The following FYTTD1 variants were observed in gnomAD, a reference collection of about 807,000 sequenced individuals.
FYTTD1 encodes the protein UAP56-interacting factor.
A neutral mutation model predicts 40.9 loss-of-function variants in FYTTD1; 22 were observed. The observed-to-expected ratio is 0.54, with a 90% CI of 0.38 to 0.77. The LOEUF is 0.77. Among genes scored for constraint, FYTTD1 ranks in the 30% least tolerant of loss-of-function variants. FYTTD1 has a pLI of 0.00. For synonymous variants in FYTTD1, 140 were observed against 137.9 expected (o/e 1.01, Z -0.10); for missense variants, 351 against 392.2 (o/e 0.90, Z 0.89).
intron 2 of FYTTD1, among the ~76,000 whole-genome samples, chr3:197,760,320 T>G (rs1729342373): frequency 6.6e-6 from 1 of 151,952 alleles, no homozygotes; most frequent in African/African-American, 2.4e-5. Context: ...TGTTCTTCAG[T>G]GGTAGAATGT....
intron 2 of FYTTD1, among the ~76,000 whole-genome samples, chr3:197,760,643 C>T (rs572183111): frequency 2.2e-4 from 30 of 135,112 alleles, no homozygotes; most frequent in African/African-American, 8.1e-4. Context: ...AGAATGTATA[C>T]AGTTGTTCTT....
intron 4 of FYTTD1, among the ~76,000 whole-genome samples, chr3:197,770,965 T>G (rs932510907): frequency 6.6e-6 from 1 of 152,228 alleles, no homozygotes; most frequent in Non-Finnish European, 1.5e-5. Flanking sequence ...ATGTATGTTA[T>G]TTGTGGAAAA....
Position 197,752,553 on chromosome 3 carries a change from CTGTA to C in FYTTD1, c.103+2483_103+2486del, listed in dbSNP as rs1186167213. ...ATATGCCTTTATTTTTATACATACA[CTGTA>C]TGTGTGTATGTATATATGGCTTTAT... On this transcript the variant is annotated intron_variant, in intron 1 of 8. Transcript: ENST00000241502. Among the ~76,000 whole-genome samples, 8 of 151,738 alleles carry C rather than the reference CTGTA, an allele frequency of 5.3e-5. No individual in the cohort carries two copies. The South Asian group carries it at 1.5e-3, about 28-fold the overall frequency.
Position 197,778,390 on chromosome 3 carries a change from C to G in FYTTD1, c.784C>G (p.Arg262Gly), listed in dbSNP as rs772225424. The G allele has an allele frequency of 6.2e-7, 1 of 1,611,496 alleles. No individual in the cohort carries two copies. Among genetic ancestry groups the G allele is most frequent in the South Asian group, 1.1e-5 (1 of 90,768 alleles). The change falls in exon 8 of 9, where the codon CGG becomes GGG. Residue 262 changes from arginine to glycine, a missense_variant. Transcript: ENST00000241502. ...RTAVPSFLTK[R>G]EQSDVKKVPK... ...TGCTGTACCTTCATTTTTAACAAAG[C>G]GGGAGCAAAGTGACGTCAAGAAAGT...
intron 2 of FYTTD1, among the ~76,000 whole-genome samples, chr3:197,758,844 G>A (rs936900851): frequency 1.3e-5 from 2 of 152,228 alleles, no homozygotes. Context: ...CTTGAGGTAA[G>A]AGAAATAAGT....
In FYTTD1 at chr3:197,784,490, A is replaced by G. The variant is rs181467782; in HGVS notation, c.*2581A>G. 12 of 152,298 alleles carry G rather than the reference A, an allele frequency of 7.9e-5. No homozygotes were observed. The East Asian group carries it at 2.1e-3, about 27-fold the overall frequency. 9.4% of individuals were successfully genotyped at this position (152,298 alleles called of 1,614,324 possible). A position where few individuals can be genotyped will look rare whatever the true frequency, so the allele number is the denominator to read the frequency against. On this transcript the variant is annotated 3_prime_UTR_variant, in exon 9 of 9. Transcript: ENST00000241502. ...GATGATTTCATTTGTAGCTCCAACAAATGAATCTAAAAAGAAGAATCCAGG... is the reference window on the plus strand; with the variant it reads ...GATGATTTCATTTGTAGCTCCAACAGATGAATCTAAAAAGAAGAATCCAGG...
intron 2 of FYTTD1, among the ~76,000 whole-genome samples, chr3:197,768,109 C>T (rs1729605675): frequency 6.6e-6 from 1 of 152,166 alleles, no homozygotes; most frequent in African/African-American, 2.4e-5. Flanking sequence ...TTCAAGTACT[C>T]AGTAGCCACA....
intron 2 of FYTTD1, among the ~76,000 whole-genome samples, chr3:197,761,422 GT>G (rs1201123591): frequency 2.0e-5 from 3 of 151,050 alleles, no homozygotes; most frequent in Non-Finnish European, 4.4e-5. Flanking sequence ...AATGTATAGA[GT>G]TGTTCCTCAG....
rs1730096899 is a variant in FYTTD1, at chr3:197,783,973, CTAAAT to C, written c.*2069_*2073del. On this transcript the variant is annotated 3_prime_UTR_variant, in exon 9 of 9. Coordinates refer to ENST00000241502, the MANE Select transcript of FYTTD1 (RefSeq NM_032288.7). Reference sequence around the variant, plus strand: ...GTATAATGTTTTGCCTTTGGTACAACTAAATTAAAACTCTTGGTGGTCACATATTG... The same window carrying C: ...GTATAATGTTTTGCCTTTGGTACAACTAAAACTCTTGGTGGTCACATATTG... 6.6e-6 allele frequency: 1 copy of C among 151,922 alleles called. No homozygotes were observed. The highest frequency in any genetic ancestry group is 2.1e-4 in the South Asian group (1 of 4,772). 9.4% of individuals were successfully genotyped at this position (151,922 alleles called of 1,614,324 possible). A position where few individuals can be genotyped will look rare whatever the true frequency, so the allele number is the denominator to read the frequency against.
At chr3:197,749,734 G>A (rs968673548), upstream of FYTTD1, 5 of 613,918 alleles carry the variant, frequency 8.1e-6, no homozygotes, top group Non-Finnish European at 1.5e-5. Context: ...TAGCACAGCG[G>A]CTGCAATGCC....
rs185222241 is a variant in FYTTD1, at chr3:197,776,440, G to A, written c.657-487G>A. ...GGGTTTCACTATCTTAGCCAGGCTGGTCTTGAACTCCTGACCTCATGATCC... is the reference window on the plus strand; with the variant it reads ...GGGTTTCACTATCTTAGCCAGGCTGATCTTGAACTCCTGACCTCATGATCC... On this transcript the variant is annotated intron_variant, in intron 6 of 8. Coordinates refer to ENST00000241502, the MANE Select transcript of FYTTD1 (RefSeq NM_032288.7). Among the ~76,000 whole-genome samples, 5 of 146,766 alleles carry A rather than the reference G, an allele frequency of 3.4e-5. No homozygotes were observed. The Admixed American group carries it at 3.4e-4, about 10-fold the overall frequency.
chr3:197,766,496 A>T (rs1411350737), intron 2 of FYTTD1, among the ~76,000 whole-genome samples: 17 of 136,058 alleles, frequency 1.2e-4, no homozygotes, highest in African/African-American at 4.5e-4. Flanking sequence ...CCCAGCCTGG[A>T]GTACAGTGTG....
At position 197,785,398 on chromosome 3, in the gene FYTTD1, C is replaced by T. The variant is rs910910974; in HGVS notation, c.*3489C>T. The T allele has an allele frequency of 2.0e-4, 30 of 152,152 alleles. No homozygotes were observed. Among genetic ancestry groups the T allele is most frequent in the African/African-American group, 7.2e-4 (30 of 41,426 alleles). The allele number at this position is 152,152 out of a possible 1,614,324, so 9.4% of individuals were successfully genotyped here. On this transcript the variant is annotated 3_prime_UTR_variant, in exon 9 of 9. Transcript: ENST00000241502. ...TCAAAACAATTTGCTTATAAGTAGACCCAGGTAATTCAAAGCCATGTTGTT... is the reference window on the plus strand; with the variant it reads ...TCAAAACAATTTGCTTATAAGTAGATCCAGGTAATTCAAAGCCATGTTGTT...
intron 1 of FYTTD1, among the ~76,000 whole-genome samples, chr3:197,755,497 G>A (rs1031818241): frequency 6.7e-6 from 1 of 150,322 alleles, no homozygotes; most frequent in Non-Finnish European, 1.5e-5. Context: ...CCAGGCTGGA[G>A]TGCAGTGGTG....
chr3:197,779,489 A>C (rs564428239), intron 8 of FYTTD1, among the ~76,000 whole-genome samples: 1 of 147,776 alleles, frequency 6.8e-6, no homozygotes, highest in Non-Finnish European at 1.5e-5. Context: ...ATTTTGCTAA[A>C]TTCACTTACT....
At position 197,785,999 on chromosome 3, in the gene FYTTD1, A is replaced by G. The variant is rs372158604; in HGVS notation, c.*4090A>G. The G allele has an allele frequency of 6.6e-6, 1 of 151,276 alleles. No homozygotes were observed. The highest frequency in any genetic ancestry group is 1.5e-5 in the Non-Finnish European group (1 of 67,896). The allele number at this position is 151,276 out of a possible 1,614,324, so 9.4% of individuals were successfully genotyped here. Reference sequence around the variant, plus strand: ...GCATTTACAACAAGAATTGTGGACTATGGTGGACCATTAATAGGGATTTAA... The same window carrying G: ...GCATTTACAACAAGAATTGTGGACTGTGGTGGACCATTAATAGGGATTTAA... On this transcript the variant is annotated 3_prime_UTR_variant, in exon 9 of 9. Transcript: ENST00000241502.
intron 2 of FYTTD1, among the ~76,000 whole-genome samples, chr3:197,764,665 C>T (rs1433194740): frequency 1.4e-5 from 2 of 143,466 alleles, no homozygotes; most frequent in Admixed American, 1.4e-4. Context: ...GCCGAGATCG[C>T]GCCGCTACAC....
chr3:197,749,728 A>C, upstream of FYTTD1: 2 of 620,034 alleles, frequency 3.2e-6, no homozygotes, highest in Non-Finnish European at 5.9e-6. Flanking sequence ...AGCGCCTAGC[A>C]CAGCGGCTGC....
At chr3:197,770,346 T>C (rs912009541) in intron 4 of FYTTD1, 102 bp downstream of exon 4, 32 of 720,866 alleles carry the variant, frequency 4.4e-5, no homozygotes, top group African/African-American at 4.1e-4. Flanking sequence ...AGTTATCTGG[T>C]CATTTTCAAG....
Sources: allele counts gnomAD v4.1 joint callset (sites outside exome capture counted in the v4.1 genomes callset), GRCh38; gene constraint gnomAD v4.1.1; transcripts MANE v1.5; gene names NCBI Gene and HGNC (gene_info 2026-07-23, HGNC 2026-07-21).